PTH2R: variants seen among roughly 807,000 people sequenced by gnomAD.
PTH2R encodes parathyroid hormone 2 receptor.
In PTH2R, 59 loss-of-function variants were observed where a neutral mutation model predicts 60.3. The observed-to-expected ratio is 0.98, with a 90% confidence interval of 0.79 to 1.22. The LOEUF (loss-of-function observed/expected upper bound fraction) is 1.22. Among genes scored for constraint, PTH2R ranks in the 50% most tolerant of loss-of-function variants. The pLI is 0.00. For missense variants in PTH2R, 749 were observed against 682.6 expected (o/e 1.10, Z -1.08); for synonymous variants, 256 against 243.8 (o/e 1.05, Z -0.47).
chr2:208,373,445 T>C (rs1700739146), intron 1 of PTH2R, among the ~76,000 whole-genome samples: 2 of 152,104 alleles, frequency 1.3e-5, no homozygotes, highest in South Asian at 2.1e-4. Context: ...GTTTGCTGCA[T>C]TGAAAAAATT....
intron 6 of PTH2R, among the ~76,000 whole-genome samples, chr2:208,444,363 A>C (rs1450288372): frequency 6.6e-6 from 1 of 152,228 alleles, no homozygotes; most frequent in East Asian, 1.9e-4. Context: ...TAGCTGCATA[A>C]AAGACCAAAA....
chr2:208,394,399 T>A (rs946875588), intron 1 of PTH2R, among the ~76,000 whole-genome samples: 7 of 152,222 alleles, frequency 4.6e-5, no homozygotes, highest in Non-Finnish European at 1.0e-4. Context: ...TTCCTTTCAG[T>A]ATGTGATCCA....
intron 6 of PTH2R, among the ~76,000 whole-genome samples, chr2:208,444,337 G>C (rs1025841421): frequency 6.6e-6 from 1 of 152,200 alleles, no homozygotes; most frequent in African/African-American, 2.4e-5. Flanking sequence ...TTTGGGGGCA[G>C]CTTGTTTTGC....
chr2:208,486,449 C>T (rs1278853544), intron 10 of PTH2R, among the ~76,000 whole-genome samples: 2 of 152,164 alleles, frequency 1.3e-5, no homozygotes, highest in African/African-American at 4.8e-5. Context: ...GATAATTTCA[C>T]AATGTGCTAC....
At chr2:208,373,204 C>T (rs1246151894) in intron 1 of PTH2R, among the ~76,000 whole-genome samples, 1 of 152,082 alleles carries the variant, frequency 6.6e-6, no homozygotes, top group East Asian at 1.9e-4. Flanking sequence ...TGTCTTGAAA[C>T]AGATAAGCCA....
intron 4 of PTH2R, among the ~76,000 whole-genome samples, chr2:208,439,459 T>C (rs1343980772): frequency 1.3e-5 from 2 of 151,950 alleles, no homozygotes; most frequent in Non-Finnish European, 2.9e-5. Context: ...TGACACACAG[T>C]AGGGCAAAAT....
At chr2:208,391,836 C>T (rs1440398995) in intron 1 of PTH2R, among the ~76,000 whole-genome samples, 1 of 152,268 alleles carries the variant, frequency 6.6e-6, no homozygotes, top group African/African-American at 2.4e-5. Flanking sequence ...GGTTTTGAAA[C>T]CTTATATCCT....
At position 208,365,940 on chromosome 2, in the gene PTH2R, ATATATATATATATATATATATTTTT is replaced by A. The variant is rs1294620101; in HGVS notation, c.-259+5705_-259+5729del. Among the ~76,000 whole-genome samples, 88 of 13,506 alleles carry A rather than the reference ATATATATATATATATATATATTTTT, an allele frequency of 6.5e-3. 2 individuals are homozygous for A. Among genetic ancestry groups the A allele is most frequent in the African/African-American group, 0.017 (74 of 4,284 alleles). The allele number at this position is 13,506 out of a possible 152,430, so 8.9% of individuals were successfully genotyped here. On this transcript the variant is annotated intron_variant, in intron 1 of 12. Transcript: ENST00000617735. ...TAATATAATAGATAAATATATATAT[ATATATATATATATATATATATTTTT>A]TTTTTTTTTTTTTTTTTTTTTTTTT...
intron 1 of PTH2R, among the ~76,000 whole-genome samples, chr2:208,397,200 A>T (rs1701226658): frequency 6.6e-6 from 1 of 152,108 alleles, no homozygotes; most frequent in Non-Finnish European, 1.5e-5. Flanking sequence ...GAAATACCTA[A>T]TGTAAATCAT....
intron 4 of PTH2R, among the ~76,000 whole-genome samples, chr2:208,439,464 C>T (rs1702140833): frequency 6.6e-6 from 1 of 151,494 alleles, no homozygotes; most frequent in Admixed American, 6.6e-5. Context: ...CACAGTAGGG[C>T]AAAATGATAT....
chr2:208,428,305 T>C lies in PTH2R; in HGVS notation c.178+2T>C. ...TCACAGCTCAACTCCAGGAGGGAGG[T>C]AAAGATGCCAAGAAAATTGGCTCTC... On this transcript the variant is annotated splice_donor_variant, in intron 2 of 12. Transcript: ENST00000272847. LOFTEE classifies it high-confidence loss of function. The C allele has an allele frequency of 6.2e-7, 1 of 1,606,678 alleles. No individual in the cohort carries two copies. Among genetic ancestry groups the C allele is most frequent in the Non-Finnish European group, 8.5e-7 (1 of 1,174,956 alleles).
chr2:208,492,238 A>G (rs1191632884), intron 12 of PTH2R, among the ~76,000 whole-genome samples: 1 of 152,248 alleles, frequency 6.6e-6, no homozygotes, highest in African/African-American at 2.4e-5. Context: ...CTGCCGATGC[A>G]GATTGATAGC....
chr2:208,367,428 T>C (rs1395483966), intron 1 of PTH2R, among the ~76,000 whole-genome samples: 4 of 148,376 alleles, frequency 2.7e-5, no homozygotes, highest in Admixed American at 1.3e-4. Flanking sequence ...CTCTTTCTTT[T>C]TTTTTTTTTT....
chr2:208,464,843 T>G (rs1279619347), intron 9 of PTH2R, among the ~76,000 whole-genome samples: 1 of 152,062 alleles, frequency 6.6e-6, no homozygotes, highest in African/African-American at 2.4e-5. Context: ...ACAAAACCCC[T>G]TATTCTTTTT....
chr2:208,427,963 T>C (rs1701891253), intron 1 of PTH2R, among the ~76,000 whole-genome samples: 1 of 152,030 alleles, frequency 6.6e-6, no homozygotes, highest in African/African-American at 2.4e-5. Context: ...CTAACTATAT[T>C]AAAATTTTCT....
At chr2:208,423,021 G>A (rs1402141993) in intron 1 of PTH2R, among the ~76,000 whole-genome samples, 2 of 151,444 alleles carry the variant, frequency 1.3e-5, no homozygotes, top group African/African-American at 4.9e-5. Context: ...CAATATTATT[G>A]GTAATTTTAA....
At chr2:208,424,201 G>A (rs138942350) in intron 1 of PTH2R, among the ~76,000 whole-genome samples, 15 of 152,280 alleles carry the variant, frequency 9.9e-5, no homozygotes, top group Middle Eastern at 3.4e-3. Context: ...AGAAAAGGTG[G>A]GGGTGTCCAG....
At chr2:208,436,540 A>G (rs1469044930) in intron 2 of PTH2R, among the ~76,000 whole-genome samples, 1 of 152,176 alleles carries the variant, frequency 6.6e-6, no homozygotes, top group Non-Finnish European at 1.5e-5. Flanking sequence ...AGCAAGGAAC[A>G]ACAGAAGCCT....
chr2:208,479,426 G>C (rs1228156666), intron 9 of PTH2R, among the ~76,000 whole-genome samples: 1 of 152,154 alleles, frequency 6.6e-6, no homozygotes, highest in East Asian at 1.9e-4. Context: ...CTAGCACTTA[G>C]TCCTTCACCC....
Sources: allele counts gnomAD v4.1 joint callset (sites outside exome capture counted in the v4.1 genomes callset), GRCh38; gene constraint gnomAD v4.1.1; transcripts MANE v1.5; gene names NCBI Gene and HGNC (gene_info 2026-07-23, HGNC 2026-07-21).